NEDD4L: variants seen among roughly 807,000 people sequenced by gnomAD.
NEDD4L encodes E3 ubiquitin-protein ligase NEDD4-like.
NEDD4L carries 54 observed loss-of-function variants against 148.9 expected under a neutral mutation model. The ratio of observed to expected loss-of-function variants is 0.36; its 90% confidence interval spans 0.29 to 0.45. The LOEUF is 0.45. Ranked by LOEUF, NEDD4L falls within the 20% of genes least tolerant of loss-of-function variation. NEDD4L has a pLI of 1.00. For synonymous variants in NEDD4L, 433 were observed against 440.7 expected, an observed-to-expected ratio of 0.98 and a Z score of 0.22; for missense variants, 856 against 1,233.8, an observed-to-expected ratio of 0.69 and a Z score of 4.59.
At position 58,401,090 on chromosome 18, in the gene NEDD4L, T is replaced by G. The variant is rs2050818008; in HGVS notation, c.*4821T>G. On this transcript the variant is annotated 3_prime_UTR_variant, in exon 31 of 31. Coordinates refer to ENST00000400345, the MANE Select transcript of NEDD4L (RefSeq NM_001144967.3). Reference sequence around the variant, plus strand: ...GAAAACCCTAGGAAGATGATGTTAATTTGCTGTCATTTCCTAATTCAGGAT... The same window carrying G: ...GAAAACCCTAGGAAGATGATGTTAAGTTGCTGTCATTTCCTAATTCAGGAT... 1 of 152,136 alleles carries G rather than the reference T, an allele frequency of 6.6e-6. No homozygotes were observed. Among genetic ancestry groups the G allele is most frequent in the African/African-American group, 2.4e-5 (1 of 41,422 alleles). The allele number at this position is 152,136 out of a possible 1,614,324, so 9.4% of individuals were successfully genotyped here.
intron 18 of NEDD4L, among the ~76,000 whole-genome samples, chr18:58,352,527 C>T (rs977663105): frequency 2.6e-5 from 4 of 151,980 alleles, no homozygotes; most frequent in Admixed American, 6.6e-5. Context: ...GGTGTGGTGG[C>T]GTGCACCTGC....
chr18:58,366,345 T>C lies in NEDD4L; in HGVS notation c.2063+117T>C. ...AGATGCATTAACTCTGCTGAGTTTG[T>C]TCTCTCCTCACCCCACAGCCCCTTG... On this transcript the variant is annotated intron_variant, in intron 21 of 30. Coordinates refer to ENST00000400345, the MANE Select transcript of NEDD4L (RefSeq NM_001144967.3). This position sits in a 1 kb window ranked among gnomAD's most constrained non-coding sequence, Gnocchi z 4.2. 1.4e-6 allele frequency: 1 copy of C among 695,178 alleles called. No individual in the cohort carries two copies. Among genetic ancestry groups the C allele is most frequent in the Non-Finnish European group, 2.3e-6 (1 of 429,734 alleles). 43.1% of individuals were successfully genotyped at this position (695,178 alleles called of 1,614,324 possible). A position where few individuals can be genotyped will look rare whatever the true frequency, so the allele number is the denominator to read the frequency against.
intron 5 of NEDD4L, among the ~76,000 whole-genome samples, chr18:58,306,660 T>C (rs1038035558): frequency 6.6e-6 from 1 of 151,924 alleles, no homozygotes; most frequent in African/African-American, 2.4e-5. Context: ...AATTTTGCTC[T>C]TGTCACCCAG....
intron 2 of NEDD4L, among the ~76,000 whole-genome samples, chr18:58,228,242 G>A (rs376799341): frequency 3.5e-5 from 5 of 144,342 alleles, no homozygotes; most frequent in African/African-American, 1.1e-4. Flanking sequence ...AGCAGAAATG[G>A]ACACATAAGT....
At chr18:58,176,794 AACT>A (rs761358252) in intron 2 of NEDD4L, among the ~76,000 whole-genome samples, 1 of 152,170 alleles carries the variant, frequency 6.6e-6, no homozygotes, top group Non-Finnish European at 1.5e-5. Flanking sequence ...GTGGAAGGAA[AACT>A]ACAAGACTTC....
At chr18:58,255,347 ACTC>A (rs1228595160) in intron 5 of NEDD4L, 1 of 335,432 alleles carries the variant, frequency 3.0e-6, no homozygotes, top group Non-Finnish European at 5.0e-6. Context: ...GTAGGGGAAA[ACTC>A]CTCTAAGTCC....
At chr18:58,245,201 T>C (rs1326997318) in intron 2 of NEDD4L, among the ~76,000 whole-genome samples, 1 of 152,236 alleles carries the variant, frequency 6.6e-6, no homozygotes, top group Admixed American at 6.5e-5. Flanking sequence ...TCTTTAAAAT[T>C]ATATATATTT....
intron 2 of NEDD4L, among the ~76,000 whole-genome samples, chr18:58,236,325 C>T (rs1027558256): frequency 6.6e-6 from 1 of 151,944 alleles, no homozygotes; most frequent in African/African-American, 2.4e-5. Flanking sequence ...CCACTGCACT[C>T]CAGCCTGGGT....
intron 22 of NEDD4L, among the ~76,000 whole-genome samples, chr18:58,369,173 AG>A (rs2046497963): frequency 6.6e-6 from 1 of 152,214 alleles, no homozygotes; most frequent in Admixed American, 6.5e-5. Flanking sequence ...AATCTTTCCC[AG>A]GATGAGCTGC....
chr18:58,227,081 C>T (rs2044451060), intron 2 of NEDD4L, among the ~76,000 whole-genome samples: 1 of 152,254 alleles, frequency 6.6e-6, no homozygotes, highest in Admixed American at 6.5e-5. Flanking sequence ...ATCAGTCCTC[C>T]TTGCTGTGCT....
At chr18:58,233,158 C>T (rs889037064) in intron 2 of NEDD4L, among the ~76,000 whole-genome samples, 3 of 152,204 alleles carry the variant, frequency 2.0e-5, no homozygotes, top group East Asian at 3.8e-4. Context: ...TTAACATTCA[C>T]TTATGGGCCC....
At chr18:58,289,837 CT>C (rs1429859861) in intron 5 of NEDD4L, among the ~76,000 whole-genome samples, 1 of 152,132 alleles carries the variant, frequency 6.6e-6, no homozygotes, top group Non-Finnish European at 1.5e-5. Flanking sequence ...ACGTATGCAG[CT>C]TTTTATAAGT....
intron 21 of NEDD4L, 143 bp from the exon 22 acceptor site, chr18:58,367,603 G>T: frequency 1.3e-6 from 1 of 797,928 alleles, no homozygotes; most frequent in Non-Finnish European, 2.0e-6. Flanking sequence ...TGGTAAGTCA[G>T]GTCCTCTAGC....
At chr18:58,115,674 G>C (rs1169517237) in intron 1 of NEDD4L, among the ~76,000 whole-genome samples, 2 of 152,162 alleles carry the variant, frequency 1.3e-5, no homozygotes, top group African/African-American at 2.4e-5. Context: ...TTGAACTGCT[G>C]CCTAAATGGA....
intron 1 of NEDD4L, among the ~76,000 whole-genome samples, chr18:58,136,938 A>G (rs565437611): frequency 1.3e-5 from 2 of 152,344 alleles, no homozygotes; most frequent in Non-Finnish European, 2.9e-5. Context: ...AGGAAAATCA[A>G]GGAATAGATA....
chr18:58,199,007 G>A (rs2147356320), intron 2 of NEDD4L, among the ~76,000 whole-genome samples: 1 of 152,306 alleles, frequency 6.6e-6, no homozygotes, highest in South Asian at 2.1e-4. Context: ...GGCCAGGCTG[G>A]TCTCGAACTC....
chr18:58,222,625 G>T (rs1332872738), intron 2 of NEDD4L, among the ~76,000 whole-genome samples: 16 of 152,082 alleles, frequency 1.1e-4, no homozygotes. Context: ...CCATATGTTG[G>T]CAAAGCTTGA....
At chr18:58,140,195 G>C (rs2033339713) in intron 1 of NEDD4L, among the ~76,000 whole-genome samples, 2 of 152,172 alleles carry the variant, frequency 1.3e-5, no homozygotes, top group African/African-American at 4.8e-5. Flanking sequence ...CAGTCTTGCA[G>C]CTGCTGGGCT....
chr18:58,082,836 G>C (rs925219400), intron 1 of NEDD4L, among the ~76,000 whole-genome samples: 6 of 149,980 alleles, frequency 4.0e-5, no homozygotes, highest in Non-Finnish European at 5.9e-5. Flanking sequence ...TGATTGCAAA[G>C]CGTCCCATCG....
Sources: gnomAD v4.1 joint callset for allele counts (sites outside exome capture counted in the v4.1 genomes callset) on GRCh38, gnomAD v4.1.1 for gene constraint, Gnocchi (gnomAD v3.1) non-coding constraint, MANE v1.5 for transcripts, NCBI Gene and HGNC (gene_info 2026-07-23, HGNC 2026-07-21) for gene names.